Variants in PTK2B observed in about 807,000 individuals in gnomAD.
PTK2B encodes the protein protein-tyrosine kinase 2-beta.
PTK2B carries 71 observed loss-of-function variants against 142.9 expected under a neutral mutation model. The ratio of observed to expected loss-of-function variants is 0.50; its 90% CI spans 0.41 to 0.61. PTK2B has a LOEUF of 0.61. Among genes scored for constraint, PTK2B ranks in the 20% least tolerant of loss-of-function variants. The probability of loss-of-function intolerance (pLI) is 0.00; values close to 1 mark genes in which losing one functional copy is unlikely to be tolerated. For synonymous variants in PTK2B, 519 were observed against 503.4 expected (o/e 1.03, Z -0.42); for missense variants, 1,105 against 1,320.4 (o/e 0.84, Z 2.53).
At chr8:27,409,677 T>C (rs1808938939) in intron 2 of PTK2B, among the ~76,000 whole-genome samples, 1 of 152,208 alleles carries the variant, frequency 6.6e-6, no homozygotes, top group South Asian at 2.1e-4. Context: ...TGCATTGATT[T>C]TGTCCTCAAC....
rs777854372 is a variant in PTK2B, at chr8:27,422,300, C to G, written c.472-4C>G. The G allele has an allele frequency of 6.2e-7, 1 of 1,612,626 alleles. No individual in the cohort carries two copies. Among genetic ancestry groups the G allele is most frequent in the Non-Finnish European group, 8.5e-7 (1 of 1,179,248 alleles). ...GCCTGATGCTTGACCTTTCTCCCCA[C>G]CAGCTCCGGAACGACTACATGCAGC... On this transcript the variant is annotated splice_polypyrimidine_tract_variant and splice_region_variant and intron_variant, in intron 4 of 30. Transcript: ENST00000346049.
rs1810619209 is a variant in PTK2B at position 27,434,096 on chromosome 8, G to A, written c.1109G>A (p.Gly370Asp). 6.2e-7 allele frequency: 1 copy of A among 1,614,068 alleles called. No individual in the cohort carries two copies. The highest frequency in any genetic ancestry group is 8.5e-7 in the Non-Finnish European group (1 of 1,179,982). The change falls in exon 12 of 31, where the codon GGT (glycine) becomes GAT (aspartate). Residue 370 changes from glycine (G) to aspartate (D), a missense_variant. Coordinates refer to ENST00000346049, the MANE Select transcript of PTK2B (RefSeq NM_173176.3). ...GSLIIHPRKD[G>D]EKRNSLPQIP... is the part of the protein sequence containing the mutation. ...CTCCTTCCTCCTCTCTTCCTAGATG[G>A]TGAGAAGCGGAACAGCCTGCCCCAG...
Position 27,361,134 on chromosome 8 carries a change from C to T in PTK2B, c.-38+35453C>T, listed in dbSNP as rs1176237413. 3.3e-5 allele frequency among the ~76,000 whole-genome samples: 5 copies of T among 152,282 alleles called. No homozygotes were observed. In the East Asian group the frequency reaches 9.6e-4, roughly 29 times the overall value. ...TCACCCCCTTCCCACCCTCCTGAGT[C>T]TCCAATGTCTATTATTCCACACTCT... On this transcript the variant is annotated intron_variant, in intron 1 of 30. Coordinates refer to ENST00000346049, the MANE Select transcript of PTK2B (RefSeq NM_173176.3).
In PTK2B at chr8:27,439,128, A is replaced by G; in HGVS notation, c.1741A>G (p.Lys581Glu). 6.2e-7 allele frequency: 1 copy of G among 1,612,932 alleles called. No homozygotes were observed. The highest frequency in any genetic ancestry group is 8.5e-7 in the Non-Finnish European group (1 of 1,178,906). Reference protein sequence around the residue: ...SRYIEDEDYYKASVTRLPIKW... With the variant: ...SRYIEDEDYYEASVTRLPIKW... ...GTACATTGAGGACGAGGACTATTAC[A>G]AAGGTGAGGGGGCTTCCCAGCCTCT... The change falls in exon 19 of 31, where the codon AAA (lysine) becomes GAA (glutamate). Residue 581 changes from lysine to glutamate, a missense_variant. Lys to Glu is a moderately conservative substitution (Grantham distance 56). Transcript: ENST00000346049.
intron 1 of PTK2B, among the ~76,000 whole-genome samples, chr8:27,350,192 T>A (rs1004624732): frequency 3.3e-5 from 5 of 152,222 alleles, no homozygotes; most frequent in Non-Finnish European, 5.9e-5. Context: ...AGTAGCAGCC[T>A]AAAAGACAGT....
At chr8:27,407,807 C>T (rs1808814695) in intron 2 of PTK2B, among the ~76,000 whole-genome samples, 1 of 152,148 alleles carries the variant, frequency 6.6e-6, no homozygotes, top group Non-Finnish European at 1.5e-5. Flanking sequence ...TCATCCTTCC[C>T]CCCTTACCCA....
At chr8:27,396,969 TCCCA>T (rs1808088161) in intron 1 of PTK2B, among the ~76,000 whole-genome samples, 1 of 152,178 alleles carries the variant, frequency 6.6e-6, no homozygotes, top group East Asian at 1.9e-4. Flanking sequence ...GACGGAAGCC[TCCCA>T]CCCTGAAAGT....
intron 7 of PTK2B, 152 bp from the exon 8 acceptor site, chr8:27,430,724 A>C: frequency 1.7e-6 from 2 of 1,144,518 alleles, no homozygotes; most frequent in Non-Finnish European, 2.5e-6. Flanking sequence ...GACAATGGGT[A>C]TGGGTTTTAG....
upstream of PTK2B, among the ~76,000 whole-genome samples, chr8:27,324,173 T>TG (rs1314599132): frequency 6.6e-6 from 1 of 152,228 alleles, no homozygotes; most frequent in East Asian, 1.9e-4. Flanking sequence ...CCTGCTAACT[T>TG]CAGTGTACCT....
chr8:27,334,226 G>A (rs1390602855), intron 1 of PTK2B, among the ~76,000 whole-genome samples: 1 of 152,092 alleles, frequency 6.6e-6, no homozygotes, highest in East Asian at 1.9e-4. Flanking sequence ...TCCTATCTCT[G>A]GTTCCCTTGG....
At chr8:27,422,995 A>G (rs1425061529) in intron 5 of PTK2B, among the ~76,000 whole-genome samples, 5 of 152,274 alleles carry the variant, frequency 3.3e-5, no homozygotes, top group East Asian at 3.9e-4. Context: ...AAAGATTTCA[A>G]TCAGCAGAGA....
Position 27,451,502 on chromosome 8 carries a change from C to G in PTK2B, c.2541C>G (p.Val847=), listed in dbSNP as rs760134490. The G allele has an allele frequency of 6.2e-7, 1 of 1,614,132 alleles. No homozygotes were observed. Among genetic ancestry groups the G allele is most frequent in the Non-Finnish European group, 8.5e-7 (1 of 1,180,020 alleles). The part of the protein sequence containing the change: ...DKSPLTPEKE[V]GYLEFTGPPQ... ...TCCTCCAGACGCCAGAGAAGGAGGT[C>G]GGCTACCGTGAGTGTTCCCGCCCTT... Residue 847 remains valine (V), a synonymous_variant, in exon 27 of 31, where the codon GTC becomes GTG. Coordinates refer to ENST00000346049, the MANE Select transcript of PTK2B (RefSeq NM_173176.3).
intron 3 of PTK2B, among the ~76,000 whole-genome samples, chr8:27,317,612 G>A (rs377507619): frequency 3.3e-5 from 5 of 152,018 alleles, no homozygotes; most frequent in Middle Eastern, 3.4e-3. Context: ...CTGCCTTTGC[G>A]TTTTGAAAAA....
chr8:27,320,010 C>T (rs1803176236), intron 3 of PTK2B, among the ~76,000 whole-genome samples: 1 of 152,126 alleles, frequency 6.6e-6, no homozygotes, highest in Non-Finnish European at 1.5e-5. Context: ...TGGGAAGGGT[C>T]CCCAGAGAAA....
chr8:27,378,994 C>CG lies in PTK2B; in HGVS notation c.-37-18549dup, dbSNP rs552468590. ...GCCAAACATAGACTCACATCCGACA[C>CG]GGGGGAGCTGGATGCCCGATTTTTA... On this transcript the variant is annotated intron_variant, in intron 1 of 30. Transcript: ENST00000346049. 6.6e-5 allele frequency among the ~76,000 whole-genome samples: 10 copies of CG among 152,210 alleles called. No homozygotes were observed. In the South Asian group the frequency reaches 2.1e-3, roughly 32 times the overall value.
intron 1 of PTK2B, among the ~76,000 whole-genome samples, chr8:27,344,848 T>C (rs372447731): frequency 8.7e-4 from 132 of 152,158 alleles, no homozygotes; most frequent in South Asian, 7.5e-3. Context: ...ACAATTTTTC[T>C]TGGAGGAAGG....
intron 1 of PTK2B, among the ~76,000 whole-genome samples, chr8:27,382,775 A>T (rs1807107903): frequency 6.6e-6 from 1 of 152,156 alleles, no homozygotes; most frequent in African/African-American, 2.4e-5. Flanking sequence ...GCATATGGTT[A>T]TTCAGATTTT....
chr8:27,320,938 A>G (rs76818269), upstream of PTK2B, among the ~76,000 whole-genome samples: 1,481 of 145,614 alleles, frequency 0.01, 31 homozygotes, highest in African/African-American at 0.035. Flanking sequence ...TAAGGGATCT[A>G]AGATACCTAA....
chr8:27,455,288 G>A (rs1812078899), intron 30 of PTK2B, among the ~76,000 whole-genome samples: 1 of 152,072 alleles, frequency 6.6e-6, no homozygotes, highest in Non-Finnish European at 1.5e-5. Context: ...CACTGGCTGG[G>A]TGTGGAAACT....
Sources: allele counts gnomAD v4.1 joint callset (sites outside exome capture counted in the v4.1 genomes callset), GRCh38; gene constraint gnomAD v4.1.1; transcripts MANE v1.5; gene names NCBI Gene and HGNC (gene_info 2026-07-23, HGNC 2026-07-21).